The following THSD4 variants were observed in gnomAD, a reference collection of about 807,000 sequenced individuals.
THSD4 encodes the protein thrombospondin type-1 domain-containing protein 4.
Under a neutral mutation model 119.0 loss-of-function variants are expected in THSD4, and 69 were observed. The ratio of observed to expected loss-of-function variants is 0.58; its 90% CI spans 0.48 to 0.71. The LOEUF is 0.71. Among genes scored for constraint, THSD4 ranks in the 30% least tolerant of loss-of-function variants. THSD4 has a pLI of 0.00. For synonymous variants in THSD4, 524 were observed against 540.4 expected (o/e 0.97, Z 0.42); for missense variants, 1,393 against 1,391.1 (o/e 1.00, Z -0.02).
chr15:71,161,204 G>A (rs953521104), intron 3 of THSD4, among the ~76,000 whole-genome samples: 7 of 152,016 alleles, frequency 4.6e-5, no homozygotes, highest in African/African-American at 1.7e-4. Flanking sequence ...ATGTGCAATT[G>A]AGAAGAATGT....
chr15:71,217,658 A>G (rs2043945769), intron 4 of THSD4, among the ~76,000 whole-genome samples: 1 of 152,040 alleles, frequency 6.6e-6, no homozygotes, highest in Non-Finnish European at 1.5e-5. Context: ...TTGGCCAATG[A>G]GTTTTGTCAC....
At chr15:71,629,337 G>C (rs1595804578) in intron 7 of THSD4, among the ~76,000 whole-genome samples, 1 of 152,124 alleles carries the variant, frequency 6.6e-6, no homozygotes, top group Non-Finnish European at 1.5e-5. Flanking sequence ...TAGGGGGCAG[G>C]GCGGCCAGAC....
At position 71,154,915 on chromosome 15, in the gene THSD4, T is replaced by C; in HGVS notation, c.82T>C (p.Ser28Pro). The change falls in exon 3 of 18, where the codon TCC becomes CCC. Residue 28 changes from serine (S) to proline (P), a missense_variant. Transcript: ENST00000261862. ...ATTCCAGTTCGTCTGCCCACAGCCC[T>C]CCACTCAACACAGGAAGGTAAGCCA... Reference protein sequence around the residue: ...LGFQFVCPQPSTQHRKVPQRM... With the variant: ...LGFQFVCPQPPTQHRKVPQRM... 6.2e-7 allele frequency: 1 copy of C among 1,614,130 alleles called. No individual in the cohort carries two copies. Among genetic ancestry groups the C allele is most frequent in the Non-Finnish European group, 8.5e-7 (1 of 1,180,028 alleles).
In THSD4 at chr15:71,411,795, C is replaced by T. The variant is rs375346547; in HGVS notation, c.1124C>T (p.Thr375Met). The change falls in exon 7 of 18, where the codon ACG (threonine) becomes ATG (methionine). Residue 375 changes from threonine (T) to methionine (M), a missense_variant. Physicochemically the swap from Thr to Met is moderately conservative, Grantham distance 81 (BLOSUM62 -1). Transcript: ENST00000261862. ...IDGTPCDQNG[T>M]AICVSGQCKS... ...GGCACCCCCTGTGACCAGAACGGCA[C>T]GGCCATCTGTGTGTCTGGGCAGTGC... 2.2e-5 allele frequency: 36 copies of T among 1,613,934 alleles called. No homozygotes were observed. The highest frequency in any genetic ancestry group is 1.6e-4 in the Middle Eastern group (1 of 6,082).
intron 6 of THSD4, among the ~76,000 whole-genome samples, chr15:71,336,775 A>T (rs2045494208): frequency 6.6e-6 from 1 of 152,242 alleles, no homozygotes; most frequent in Non-Finnish European, 1.5e-5. Context: ...ATTTAACCCC[A>T]ATCTAATTTT....
At chr15:71,138,268 C>A (rs1205914571) in intron 1 of THSD4, among the ~76,000 whole-genome samples, 1 of 152,156 alleles carries the variant, frequency 6.6e-6, no homozygotes, top group Non-Finnish European at 1.5e-5. Flanking sequence ...CCTTATGAAA[C>A]CATCAGATCT....
At chr15:71,541,200 A>G (rs2048755321) in intron 7 of THSD4, among the ~76,000 whole-genome samples, 2 of 152,228 alleles carry the variant, frequency 1.3e-5, no homozygotes, top group South Asian at 4.1e-4. Context: ...AACCCAACAT[A>G]TTCAAAATAT....
chr15:71,500,453 G>A (rs762123659), intron 7 of THSD4, among the ~76,000 whole-genome samples: 3 of 152,102 alleles, frequency 2.0e-5, no homozygotes, highest in Non-Finnish European at 2.9e-5. Flanking sequence ...GATTGTTGCC[G>A]TGGCTGAGCA....
At chr15:71,436,668 A>G (rs1261266662) in intron 7 of THSD4, among the ~76,000 whole-genome samples, 1 of 152,214 alleles carries the variant, frequency 6.6e-6, no homozygotes, top group East Asian at 1.9e-4. Context: ...TCAACAAAAG[A>G]CAGATTAATA....
At chr15:71,617,674 ACCTCTGGGCCCTAGGGG>A (rs2050343279) in intron 7 of THSD4, among the ~76,000 whole-genome samples, 1 of 152,114 alleles carries the variant, frequency 6.6e-6, no homozygotes, top group African/African-American at 2.4e-5. Flanking sequence ...AGATGTTATT[ACCTCTGGGCCCTAGGGG>A]CCTGGAACAA....
At chr15:71,667,632 T>C (rs2051441492) in intron 8 of THSD4, among the ~76,000 whole-genome samples, 1 of 152,234 alleles carries the variant, frequency 6.6e-6, no homozygotes, top group Admixed American at 6.5e-5. Flanking sequence ...GGATCATCTA[T>C]AATTTGCAAG....
At chr15:71,424,026 C>T (rs1430817133) in intron 7 of THSD4, among the ~76,000 whole-genome samples, 2 of 152,184 alleles carry the variant, frequency 1.3e-5, no homozygotes, top group African/African-American at 2.4e-5. Flanking sequence ...CGACTCTCTG[C>T]ACCCCATGGC....
intron 7 of THSD4, among the ~76,000 whole-genome samples, chr15:71,461,536 A>G (rs1424883418): frequency 6.6e-6 from 1 of 152,158 alleles, no homozygotes; most frequent in Non-Finnish European, 1.5e-5. Context: ...AAATTTCCAT[A>G]GTGTTATTTC....
At chr15:71,199,513 TG>T (rs2043753122) in intron 3 of THSD4, among the ~76,000 whole-genome samples, 1 of 106,146 alleles carries the variant, frequency 9.4e-6, no homozygotes, top group African/African-American at 4.0e-5. Flanking sequence ...TGTGTGTGTG[TG>T]GGGTGTGTGT....
intron 7 of THSD4, chr15:71,547,259 G>A (rs918775293): frequency 3.0e-5 from 43 of 1,418,614 alleles, no homozygotes; most frequent in Middle Eastern, 4.6e-4. Flanking sequence ...AGCTCGAAGC[G>A]CCGGGCAGTA....
chr15:71,402,560 C>T (rs567586958), intron 6 of THSD4, among the ~76,000 whole-genome samples: 116 of 152,268 alleles, frequency 7.6e-4, no homozygotes, highest in Middle Eastern at 3.4e-3. Flanking sequence ...ACCAAGGCCT[C>T]AGCTTGTCTT....
rs74401360 is a variant in THSD4, at chr15:71,285,517, C to G, written c.1015+28802C>G. Among the ~76,000 whole-genome samples the G allele has an allele frequency of 2.0e-4, 30 of 152,324 alleles. No homozygotes were observed. The East Asian group carries it at 5.8e-3, about 29-fold the overall frequency. On this transcript the variant is annotated intron_variant, in intron 6 of 17. Coordinates refer to ENST00000261862, the MANE Select transcript of THSD4 (RefSeq NM_024817.3). ...AAATTTCAAGCAACTAAGTACTTCACTAATTGTTTTCCAATGAATTGTTCC... is the reference window on the plus strand; with the variant it reads ...AAATTTCAAGCAACTAAGTACTTCAGTAATTGTTTTCCAATGAATTGTTCC...
chr15:71,764,961 A>G (rs901775005), intron 15 of THSD4, 59 bp from the exon 16 acceptor site: 4 of 1,558,946 alleles, frequency 2.6e-6, no homozygotes, highest in East Asian at 2.3e-5. Flanking sequence ...CTTGATGGAC[A>G]GTAGCTGCCA....
chr15:71,537,394 T>C (rs190795344), intron 7 of THSD4, among the ~76,000 whole-genome samples: 49 of 152,270 alleles, frequency 3.2e-4, no homozygotes, highest in African/African-American at 1.1e-3. Context: ...CCCCTCCCTT[T>C]GTCCTCAGCC....
Sources: allele counts gnomAD v4.1 joint callset (sites outside exome capture counted in the v4.1 genomes callset), GRCh38; gene constraint gnomAD v4.1.1; transcripts MANE v1.5; gene names NCBI Gene and HGNC (gene_info 2026-07-23, HGNC 2026-07-21).